Variants in ESR1 observed in about 807,000 individuals in gnomAD.
The protein encoded by ESR1 is estrogen receptor.
ESR1 carries 12 observed loss-of-function variants against 52.7 expected under a neutral mutation model. That is an observed-to-expected ratio of 0.23 (90% CI 0.15 to 0.37). The LOEUF is 0.37. Among genes scored for constraint, ESR1 ranks in the 10% least tolerant of loss-of-function variants. The pLI, the probability that ESR1 is intolerant of heterozygous loss-of-function variation, is 1.00. For synonymous variants in ESR1, 305 were observed against 316.8 expected (o/e 0.96, Z 0.39); for missense variants, 584 against 779.7 (o/e 0.75, Z 2.99).
intron 1 of ESR1, among the ~76,000 whole-genome samples, chr6:151,830,543 A>G (rs900808600): frequency 2.6e-5 from 4 of 152,112 alleles, no homozygotes; most frequent in African/African-American, 9.7e-5. Flanking sequence ...TCTATCATCC[A>G]TATGCCTTCT....
intron 4 of ESR1, among the ~76,000 whole-genome samples, chr6:151,960,621 A>T (rs1409355059): frequency 6.6e-6 from 1 of 152,200 alleles, no homozygotes; most frequent in Non-Finnish European, 1.5e-5. Context: ...CAGGAAAGTA[A>T]GGTCCTGTGG....
At chr6:151,962,692 T>C (rs2037811837) in intron 4 of ESR1, among the ~76,000 whole-genome samples, 1 of 152,210 alleles carries the variant, frequency 6.6e-6, no homozygotes, top group South Asian at 2.1e-4. Flanking sequence ...TCTCTGGTGT[T>C]CTGAAATTGC....
At chr6:152,088,410 G>T (rs1482386063) in intron 6 of ESR1, among the ~76,000 whole-genome samples, 1 of 152,120 alleles carries the variant, frequency 6.6e-6, no homozygotes, top group African/African-American at 2.4e-5. Flanking sequence ...GTAAAAATAT[G>T]CTACCGTGTG....
At chr6:151,716,434 C>T (rs1211210341) in intron 2 of ESR1, among the ~76,000 whole-genome samples, 8 of 152,070 alleles carry the variant, frequency 5.3e-5, no homozygotes, top group African/African-American at 1.2e-4. Flanking sequence ...TGCTCACAGC[C>T]GCCGCTTCCC....
At chr6:151,850,765 C>A (rs1583666264) in intron 2 of ESR1, among the ~76,000 whole-genome samples, 2 of 152,118 alleles carry the variant, frequency 1.3e-5, no homozygotes, top group Non-Finnish European at 2.9e-5. Flanking sequence ...CTTATTGCAG[C>A]CTCTGGCTCT....
intron 3 of ESR1, among the ~76,000 whole-genome samples, chr6:151,929,149 G>A (rs1004145401): frequency 1.3e-5 from 2 of 152,084 alleles, no homozygotes; most frequent in African/African-American, 4.8e-5. Flanking sequence ...TACTGACAGC[G>A]GAATGGTGAG....
chr6:151,924,952 T>C (rs1266647850), intron 3 of ESR1, among the ~76,000 whole-genome samples: 1 of 152,122 alleles, frequency 6.6e-6, no homozygotes, highest in Non-Finnish European at 1.5e-5. Context: ...GTAGAACAAT[T>C]TATATTCCAC....
intron 2 of ESR1, among the ~76,000 whole-genome samples, chr6:151,747,739 G>A (rs977533): frequency 0.55 from 83,809 of 151,544 alleles, 23,664 homozygotes; most frequent in Non-Finnish European, 0.58. Flanking sequence ...TACAATATGC[G>A]GTCTTTTGCG....
At chr6:151,792,136 G>A (rs1277230245) in intron 2 of ESR1, among the ~76,000 whole-genome samples, 1 of 152,148 alleles carries the variant, frequency 6.6e-6, no homozygotes, top group Non-Finnish European at 1.5e-5. Flanking sequence ...ATAATGGTAA[G>A]TATTTGTATA....
At chr6:152,038,358 A>G (rs1253493033) in intron 5 of ESR1, among the ~76,000 whole-genome samples, 1 of 152,166 alleles carries the variant, frequency 6.6e-6, no homozygotes, top group African/African-American at 2.4e-5. Context: ...CTTCTTTGGT[A>G]ATACCCTCAC....
In ESR1 at chr6:152,051,232, A is replaced by G. The variant is rs919876205; in HGVS notation, c.1236-9759A>G. 3.3e-5 allele frequency among the ~76,000 whole-genome samples: 5 copies of G among 152,168 alleles called. No individual in the cohort carries two copies. In the East Asian group the frequency reaches 9.6e-4, roughly 29 times the overall value. ...CTAAGCCCCATAATCAGTCACTGCA[A>G]GATTACCTTCTAGAATTTCTGTGCC... On this transcript the variant is annotated intron_variant, in intron 5 of 7. Transcript: ENST00000206249.
At chr6:151,753,779 G>A (rs981847160) in intron 2 of ESR1, among the ~76,000 whole-genome samples, 1 of 152,152 alleles carries the variant, frequency 6.6e-6, no homozygotes, top group African/African-American at 2.4e-5. Context: ...GGTTTAACTG[G>A]TTTATGTGGA....
At chr6:151,928,791 T>G (rs902051672) in intron 3 of ESR1, among the ~76,000 whole-genome samples, 7 of 152,128 alleles carry the variant, frequency 4.6e-5, no homozygotes, top group Admixed American at 4.6e-4. Context: ...TAGTTTACCA[T>G]TTATTTTGAG....
chr6:151,916,301 T>A (rs569380985), intron 3 of ESR1, among the ~76,000 whole-genome samples: 1 of 152,296 alleles, frequency 6.6e-6, no homozygotes, highest in African/African-American at 2.4e-5. Context: ...AATACTACTG[T>A]CCTTGGTGGA....
chr6:151,729,978 G>A (rs1034845354), intron 2 of ESR1, among the ~76,000 whole-genome samples: 9 of 152,162 alleles, frequency 5.9e-5, no homozygotes, highest in Admixed American at 2.6e-4. Context: ...CTGTGACTCA[G>A]CATCACCTTA....
chr6:151,842,543 AG>A, intron 1 of ESR1, 53 bp from the exon 2 acceptor site: 12 of 1,446,882 alleles, frequency 8.3e-6, no homozygotes, highest in Non-Finnish European at 1.2e-5. Flanking sequence ...TCTCCCAGAG[AG>A]TGCATGTTTT....
intron 3 of ESR1, among the ~76,000 whole-genome samples, chr6:151,928,175 G>A (rs1222814340): frequency 6.6e-6 from 1 of 152,006 alleles, no homozygotes; most frequent in African/African-American, 2.4e-5. Context: ...ACTTATGATG[G>A]GGTTGTGTCC....
exon 1 of ESR1, chr6:151,690,505 A>G (rs745802691): frequency 2.0e-5 from 3 of 152,154 alleles, no homozygotes; most frequent in Non-Finnish European, 2.9e-5. Flanking sequence ...CATGGTCATA[A>G]CAGCCTCCTG....
At chr6:151,701,529 C>CAAAAAA (rs57589542) in intron 1 of ESR1, among the ~76,000 whole-genome samples, 8 of 89,342 alleles carry the variant, frequency 9.0e-5, no homozygotes, top group Non-Finnish European at 1.3e-4. Context: ...CACTACATCT[C>CAAAAAA]AAAAAAAAAA....
Sources: allele counts gnomAD v4.1 joint callset (sites outside exome capture counted in the v4.1 genomes callset), GRCh38; gene constraint gnomAD v4.1.1; transcripts MANE v1.5; gene names NCBI Gene and HGNC (gene_info 2026-07-23, HGNC 2026-07-21).